PRKG1: variants seen among roughly 807,000 people sequenced by gnomAD.
PRKG1 encodes protein kinase cGMP-dependent 1.
PRKG1 carries 35 observed loss-of-function variants against 88.1 expected under a neutral mutation model. The ratio of observed to expected loss-of-function variants is 0.40; its 90% CI spans 0.30 to 0.53. The LOEUF is 0.53. Ranked by LOEUF, PRKG1 falls within the 20% of genes least tolerant of loss-of-function variation. The probability of loss-of-function intolerance (pLI) is 0.59; values close to 1 mark genes in which losing one functional copy is unlikely to be tolerated. For synonymous variants in PRKG1, 303 were observed against 292.5 expected (o/e 1.04, Z -0.37); for missense variants, 540 against 839.8 (o/e 0.64, Z 4.41).
intron 9 of PRKG1, among the ~76,000 whole-genome samples, chr10:52,229,846 A>T (rs563734240): frequency 6.6e-6 from 1 of 152,198 alleles, no homozygotes; most frequent in Non-Finnish European, 1.5e-5. Flanking sequence ...TGAAAAGTAT[A>T]TTAAATTTAA....
At chr10:51,693,587 A>G (rs538663849) in intron 3 of PRKG1, among the ~76,000 whole-genome samples, 59 of 152,058 alleles carry the variant, frequency 3.9e-4, no homozygotes, top group Admixed American at 5.9e-4. Flanking sequence ...TTTTTAGTAG[A>G]GATGGGGTTT....
intron 9 of PRKG1, among the ~76,000 whole-genome samples, chr10:52,183,283 G>A (rs943453887): frequency 5.3e-5 from 8 of 152,218 alleles, no homozygotes; most frequent in Middle Eastern, 3.2e-3. Context: ...ATGGGCATGG[G>A]GCTTTTGGGC....
chr10:52,069,603 T>G (rs1328414529), intron 7 of PRKG1, among the ~76,000 whole-genome samples: 1 of 152,140 alleles, frequency 6.6e-6, no homozygotes, highest in East Asian at 1.9e-4. Context: ...ATTTTAATAT[T>G]TTTCCATATT....
At chr10:51,928,725 CTGTT>C (rs1842628310) in intron 5 of PRKG1, among the ~76,000 whole-genome samples, 1 of 152,128 alleles carries the variant, frequency 6.6e-6, no homozygotes, top group African/African-American at 2.4e-5. Flanking sequence ...GCTAATATCA[CTGTT>C]TGATGACAAT....
chr10:51,907,439 T>G (rs1412674487), intron 4 of PRKG1, 68 bp from the exon 5 acceptor site: 1 of 1,253,234 alleles, frequency 8.0e-7, no homozygotes, highest in African/African-American at 1.5e-5. Flanking sequence ...AGATTCATGG[T>G]CATTTTTATT....
At chr10:51,380,966 C>T (rs1156882015) in intron 2 of PRKG1, among the ~76,000 whole-genome samples, 2 of 152,084 alleles carry the variant, frequency 1.3e-5, no homozygotes, top group Non-Finnish European at 2.9e-5. Context: ...AGACACCCAT[C>T]TTGCAAGACT....
chr10:51,019,804 A>G (rs1238020018), intron 1 of PRKG1, among the ~76,000 whole-genome samples: 1 of 152,084 alleles, frequency 6.6e-6, no homozygotes, highest in Non-Finnish European at 1.5e-5. Flanking sequence ...AACAAAACAA[A>G]ACAAAAAAAA....
chr10:51,532,780 A>C (rs746704481), intron 3 of PRKG1, among the ~76,000 whole-genome samples: 22 of 152,146 alleles, frequency 1.4e-4, no homozygotes, highest in Non-Finnish European at 2.6e-4. Flanking sequence ...AGGGATATAC[A>C]CTTTTCCCAA....
intron 1 of PRKG1, among the ~76,000 whole-genome samples, chr10:51,092,658 G>T (rs375548926): frequency 1.3e-5 from 2 of 152,308 alleles, no homozygotes; most frequent in Non-Finnish European, 2.9e-5. Context: ...GCAGTGAAAT[G>T]AGGTAGCACT....
intron 7 of PRKG1, among the ~76,000 whole-genome samples, chr10:52,095,369 A>G (rs1847148967): frequency 6.6e-6 from 1 of 152,036 alleles, no homozygotes; most frequent in Admixed American, 6.6e-5. Flanking sequence ...CCTTATCCCT[A>G]ATTATTTTAT....
At chr10:51,324,228 A>G (rs988347164) in intron 2 of PRKG1, among the ~76,000 whole-genome samples, 17 of 152,128 alleles carry the variant, frequency 1.1e-4, no homozygotes, top group African/African-American at 3.6e-4. Context: ...TGTACCCATT[A>G]ACCAACTGTT....
chr10:51,356,081 T>C (rs183102414), intron 2 of PRKG1, among the ~76,000 whole-genome samples: 1 of 152,146 alleles, frequency 6.6e-6, no homozygotes, highest in African/African-American at 2.4e-5. Flanking sequence ...ATTCACCTTA[T>C]TAGGCAAAAG....
At chr10:51,877,065 CAG>C (rs1841317447) in intron 4 of PRKG1, among the ~76,000 whole-genome samples, 1 of 152,130 alleles carries the variant, frequency 6.6e-6, no homozygotes, top group African/African-American at 2.4e-5. Flanking sequence ...AACACTCTGG[CAG>C]AGTGTCCCTT....
chr10:51,697,547 G>T, intron 3 of PRKG1: 2 of 784,096 alleles, frequency 2.6e-6, no homozygotes, highest in Non-Finnish European at 3.9e-6. Flanking sequence ...AAGGAAAACA[G>T]AAAGAAAGAA....
At chr10:51,250,677 A>T (rs1481694599) in intron 2 of PRKG1, among the ~76,000 whole-genome samples, 1 of 151,802 alleles carries the variant, frequency 6.6e-6, no homozygotes, top group Admixed American at 6.6e-5. Flanking sequence ...CTGACAAGTG[A>T]CTGTGCAAAA....
rs2132459849 is a variant in PRKG1 at position 52,288,660 on chromosome 10, G to A, written c.1710-66G>A. ...ATTGATGTCATCTGTGGAGTTTATAGCAATTCAAGTGTTCTCATGTAGAAA... is the reference window on the plus strand; with the variant it reads ...ATTGATGTCATCTGTGGAGTTTATAACAATTCAAGTGTTCTCATGTAGAAA... On this transcript the variant is annotated intron_variant, in intron 14 of 17. Transcript: ENST00000373980. 4 of 1,461,618 alleles carry A rather than the reference G, an allele frequency of 2.7e-6. 1 individual carries two copies. Among genetic ancestry groups the A allele is most frequent in the South Asian group, 2.9e-5 (2 of 69,738 alleles). 90.5% of individuals were successfully genotyped at this position (1,461,618 alleles called of 1,614,324 possible).
At chr10:51,858,315 TA>T in intron 4 of PRKG1, among the ~76,000 whole-genome samples, 2 of 10,962 alleles carry the variant, frequency 1.8e-4, no homozygotes, top group African/African-American at 6.6e-4. Context: ...TATATATGTA[TA>T]ATATGTATTA....
intron 3 of PRKG1, among the ~76,000 whole-genome samples, chr10:51,527,633 A>G (rs993419848): frequency 6.6e-6 from 1 of 152,222 alleles, no homozygotes; most frequent in Non-Finnish European, 1.5e-5. Context: ...TACATAGAAA[A>G]GTGTTCTAGA....
chr10:51,145,669 A>T (rs1334714867), intron 1 of PRKG1, among the ~76,000 whole-genome samples: 1 of 152,148 alleles, frequency 6.6e-6, no homozygotes, highest in Non-Finnish European at 1.5e-5. Context: ...GAGACTTTTA[A>T]TATTGACGTT....
Sources: allele counts gnomAD v4.1 joint callset (sites outside exome capture counted in the v4.1 genomes callset), GRCh38; gene constraint gnomAD v4.1.1; transcripts MANE v1.5; gene names NCBI Gene and HGNC (gene_info 2026-07-23, HGNC 2026-07-21).